Variants in SRRM4 observed in about 807,000 individuals in gnomAD.
The protein encoded by SRRM4 is serine/arginine repetitive matrix 4, also known as serine/arginine repetitive matrix protein 4.
In SRRM4, 33 loss-of-function variants were observed where a neutral mutation model predicts 68.9. That is an observed-to-expected ratio of 0.48 (90% confidence interval 0.36 to 0.64). SRRM4 has a LOEUF of 0.64. Ranked by LOEUF, SRRM4 falls within the 30% of genes least tolerant of loss-of-function variation. The probability of loss-of-function intolerance (pLI) is 0.00; values close to 1 mark genes in which losing one functional copy is unlikely to be tolerated. For synonymous variants in SRRM4, 318 were observed against 318.8 expected (o/e 1.00, Z 0.03); for missense variants, 817 against 827.1 (o/e 0.99, Z 0.15).
intron 3 of SRRM4, among the ~76,000 whole-genome samples, chr12:119,115,322 T>C (rs1048810986): frequency 1.3e-5 from 2 of 152,206 alleles, no homozygotes; most frequent in Non-Finnish European, 2.9e-5. Flanking sequence ...TAAAATTTTT[T>C]TATATTTAAA....
intron 1 of SRRM4, among the ~76,000 whole-genome samples, chr12:118,989,540 C>A (rs112434802): frequency 2.0e-3 from 285 of 141,854 alleles, no homozygotes; most frequent in Non-Finnish European, 2.3e-3. Context: ...CCTGTCCCCC[C>A]ACACCTTCCA....
intron 1 of SRRM4, among the ~76,000 whole-genome samples, chr12:119,054,214 A>T (rs956898068): frequency 6.6e-6 from 1 of 152,134 alleles, no homozygotes; most frequent in African/African-American, 2.4e-5. Context: ...AAATGATGGG[A>T]TCTCATTCTT....
At chr12:119,041,576 C>G (rs1219377076) in intron 1 of SRRM4, among the ~76,000 whole-genome samples, 1 of 152,220 alleles carries the variant, frequency 6.6e-6, no homozygotes, top group South Asian at 2.1e-4. Flanking sequence ...TTCAAAGTTG[C>G]ACTCTGTGTT....
At chr12:119,022,749 T>A (rs1340073176) in intron 1 of SRRM4, among the ~76,000 whole-genome samples, 1 of 152,204 alleles carries the variant, frequency 6.6e-6, no homozygotes, top group East Asian at 1.9e-4. Flanking sequence ...CTTTATCAAT[T>A]GAAGTTTTTT....
At chr12:119,074,598 A>G (rs1417833955) in intron 1 of SRRM4, among the ~76,000 whole-genome samples, 1 of 152,212 alleles carries the variant, frequency 6.6e-6, no homozygotes, top group Non-Finnish European at 1.5e-5. Context: ...TCTATATTAG[A>G]ATAAATTGCT....
Position 119,068,251 on chromosome 12 carries a change from T to A in SRRM4, c.132-33985T>A, listed in dbSNP as rs116403581. 4.6e-3 allele frequency among the ~76,000 whole-genome samples: 705 copies of A among 152,284 alleles called. 5 individuals are homozygous for A. The highest frequency in any genetic ancestry group is 0.016 in the African/African-American group (674 of 41,554). On this transcript the variant is annotated intron_variant, in intron 1 of 12. Transcript: ENST00000267260. ...GCCTGTGTCATAGCTGTTGTGAGAC[T>A]CAAATGCATGGAGAGCACGTAGAAC... is the stretch of plus-strand genomic sequence containing the variant.
intron 9 of SRRM4, among the ~76,000 whole-genome samples, chr12:119,147,616 A>G (rs1954412433): frequency 6.6e-6 from 1 of 152,028 alleles, no homozygotes. Context: ...ATGCTATGAA[A>G]CTAAAACTGC....
intron 1 of SRRM4, among the ~76,000 whole-genome samples, chr12:119,025,364 T>C (rs1268995417): frequency 6.6e-6 from 1 of 151,836 alleles, no homozygotes; most frequent in Non-Finnish European, 1.5e-5. Context: ...GTCCAGATCA[T>C]GGAGGTTTGT....
Position 119,156,593 on chromosome 12 carries a change from C to G in SRRM4, c.1631C>G (p.Ser544Trp). 6.2e-7 allele frequency: 1 copy of G among 1,610,038 alleles called. No homozygotes were observed. Among genetic ancestry groups the G allele is most frequent in the East Asian group, 2.2e-5 (1 of 44,814 alleles). Residue 544 changes from serine to tryptophan, a missense_variant, in exon 13 of 13, where the codon TCG (serine) becomes TGG (tryptophan). Transcript: ENST00000267260. ...TGGTACAGCAGCAGCAGTAGCCGCT[C>G]GGCCAGCCGCAGCTACTCCCGGAGC... ...SSWYSSSSSR[S>W]ASRSYSRSRS...
At chr12:119,130,546 C>T (rs1254794341) in intron 7 of SRRM4, 132 bp from the exon 8 acceptor site, 7 of 804,784 alleles carry the variant, frequency 8.7e-6, no homozygotes, top group Middle Eastern at 7.5e-4. Flanking sequence ...TACCTAGGAA[C>T]AATATCACAT....
Position 119,145,561 on chromosome 12 carries a change from A to G in SRRM4, c.952A>G (p.Lys318Glu), listed in dbSNP as rs1344938415. 1 of 1,605,614 alleles carries G rather than the reference A, an allele frequency of 6.2e-7. No homozygotes were observed. Among genetic ancestry groups the G allele is most frequent in the South Asian group, 1.1e-5 (1 of 89,828 alleles). ...EKGSPSGGLS[K>E]SRELNSGNTS... ...GGGGAGCCCCAGTGGGGGCTTGAGC[A>G]AGAGCCGGGAGCTCAACAGTGGCAA... The change falls in exon 9 of 13, where the codon AAG becomes GAG. Residue 318 changes from lysine (K) to glutamate (E), a missense_variant. By Grantham distance (56) the Lys-to-Glu change is moderately conservative. Transcript: ENST00000267260.
chr12:119,070,880 G>A (rs369321189), intron 1 of SRRM4, among the ~76,000 whole-genome samples: 1 of 152,260 alleles, frequency 6.6e-6, no homozygotes, highest in East Asian at 1.9e-4. Flanking sequence ...TGTCCTCACT[G>A]GCCTGATTTC....
intron 1 of SRRM4, among the ~76,000 whole-genome samples, chr12:119,058,419 G>A (rs1248793719): frequency 6.6e-6 from 1 of 152,132 alleles, no homozygotes; most frequent in Non-Finnish European, 1.5e-5. Flanking sequence ...AGACTGATGG[G>A]AGTTGTCCCC....
intron 8 of SRRM4, among the ~76,000 whole-genome samples, chr12:119,135,833 T>C (rs1429232453): frequency 6.6e-6 from 1 of 152,172 alleles, no homozygotes; most frequent in Non-Finnish European, 1.5e-5. Flanking sequence ...AGAGTCCACA[T>C]GTTTAATTAC....
chr12:118,982,112 C>T (rs1953251624), intron 1 of SRRM4, 99 bp downstream of exon 1: 5 of 1,435,600 alleles, frequency 3.5e-6, no homozygotes, highest in African/African-American at 1.4e-5. Flanking sequence ...CGGGCCAGGG[C>T]GCCTGTCTTT....
At chr12:119,055,884 T>C (rs1047886930) in intron 1 of SRRM4, among the ~76,000 whole-genome samples, 1 of 152,216 alleles carries the variant, frequency 6.6e-6, no homozygotes, top group African/African-American at 2.4e-5. Flanking sequence ...CTGCCCAAGG[T>C]CACAGAGCAG....
intron 1 of SRRM4, among the ~76,000 whole-genome samples, chr12:118,988,903 G>A (rs926373133): frequency 6.6e-6 from 1 of 152,202 alleles, no homozygotes; most frequent in Non-Finnish European, 1.5e-5. Context: ...GAGGTGAGCT[G>A]TGAGGATAAG....
At chr12:119,114,660 C>CTTTTTTTTT (rs68020424) in intron 3 of SRRM4, among the ~76,000 whole-genome samples, 2 of 101,388 alleles carry the variant, frequency 2.0e-5, no homozygotes, top group East Asian at 3.2e-4. Context: ...GAAGCATAGT[C>CTTTTTTTTT]TTTTTTTTTT....
At chr12:119,129,908 GA>G (rs1350626573) in intron 7 of SRRM4, among the ~76,000 whole-genome samples, 13 of 150,328 alleles carry the variant, frequency 8.6e-5, no homozygotes, top group African/African-American at 2.9e-4. Context: ...TGGATGGATG[GA>G]TGGATGGATG....
Sources: allele counts gnomAD v4.1 joint callset (sites outside exome capture counted in the v4.1 genomes callset), GRCh38; gene constraint gnomAD v4.1.1; transcripts MANE v1.5; gene names NCBI Gene and HGNC (gene_info 2026-07-23, HGNC 2026-07-21).